GALNTL5: variants seen among roughly 807,000 people sequenced by gnomAD.
The protein encoded by GALNTL5 is polypeptide N-acetylgalactosaminyltransferase like 5.
Under a neutral mutation model 51.0 loss-of-function variants are expected in GALNTL5, and 44 were observed. That is an observed-to-expected ratio of 0.86 (90% confidence interval 0.68 to 1.11). GALNTL5 has a LOEUF of 1.11. Ranked by LOEUF, GALNTL5 falls within the 50% of genes least tolerant of loss-of-function variation. The pLI, the probability that GALNTL5 is intolerant of heterozygous loss-of-function variation, is 0.00. For missense variants in GALNTL5, 528 were observed against 531.8 expected, an observed-to-expected ratio of 0.99 and a Z score of 0.07; for synonymous variants, 192 against 182.8, an observed-to-expected ratio of 1.05 and a Z score of -0.41.
intron 3 of GALNTL5, among the ~76,000 whole-genome samples, chr7:151,981,599 TTCCTTCCC>T (rs1563010146): frequency 1.8e-4 from 18 of 99,774 alleles, no homozygotes; most frequent in African/African-American, 7.0e-4. Context: ...CCCTCCTTCC[TTCCTTCCC>T]TCCTTCCTTC....
In GALNTL5 at chr7:151,967,276, C is replaced by T. The variant is rs753388229; in HGVS notation, c.30C>T (p.Phe10=). The change falls in exon 2 of 9, where the codon TTC becomes TTT. Residue 10 remains phenylalanine (F), a synonymous_variant. Coordinates refer to ENST00000392800, the MANE Select transcript of GALNTL5 (RefSeq NM_145292.4). Reference sequence around the variant, plus strand: ...GAAATGCCATAATTCAAGGTTTATTCTATGGGTCCTTGACATTTGGGATCT... The same window carrying T: ...GAAATGCCATAATTCAAGGTTTATTTTATGGGTCCTTGACATTTGGGATCT... MRNAIIQGL[F]YGSLTFGIWT... is the part of the protein sequence containing the mutation. 6.2e-7 allele frequency: 1 copy of T among 1,613,450 alleles called. No homozygotes were observed. The highest frequency in any genetic ancestry group is 8.5e-7 in the Non-Finnish European group (1 of 1,179,476).
chr7:152,005,450 G>A (rs993555250), intron 6 of GALNTL5, among the ~76,000 whole-genome samples: 1 of 152,154 alleles, frequency 6.6e-6, no homozygotes, highest in Non-Finnish European at 1.5e-5. Context: ...CCAAATGGAC[G>A]GAACTGCAGT....
intron 3 of GALNTL5, among the ~76,000 whole-genome samples, chr7:151,979,057 A>G (rs1471605107): frequency 6.6e-6 from 1 of 150,606 alleles, no homozygotes; most frequent in Admixed American, 6.6e-5. Flanking sequence ...GCAAATTTAT[A>G]TGATCAGCTA....
intron 2 of GALNTL5, chr7:151,970,476 C>A (rs1047459686): frequency 6.3e-6 from 1 of 158,074 alleles, no homozygotes; most frequent in African/African-American, 2.4e-5. Context: ...GTTTGGGTTA[C>A]GTGGCCAGAT....
chr7:151,980,206 C>A (rs2081261705), intron 3 of GALNTL5, among the ~76,000 whole-genome samples: 1 of 152,116 alleles, frequency 6.6e-6, no homozygotes. Context: ...GCCTCAGCCT[C>A]CTGAGAAGCT....
chr7:151,999,110 A>G (rs2081538603), intron 5 of GALNTL5, among the ~76,000 whole-genome samples: 3 of 152,206 alleles, frequency 2.0e-5, no homozygotes, highest in South Asian at 2.1e-4. Context: ...GATATTTCAT[A>G]TCAACGGAAT....
chr7:152,017,992 A>G (rs1563029439), intron 8 of GALNTL5, among the ~76,000 whole-genome samples: 1 of 152,060 alleles, frequency 6.6e-6, no homozygotes, highest in Non-Finnish European at 1.5e-5. Context: ...CTACAGGTGC[A>G]TGCCACCACA....
At chr7:151,989,871 A>C (rs2081405741) in intron 5 of GALNTL5, among the ~76,000 whole-genome samples, 1 of 152,092 alleles carries the variant, frequency 6.6e-6, no homozygotes, top group Non-Finnish European at 1.5e-5. Context: ...CTGTCGATTT[A>C]TCTGTTCATA....
intron 7 of GALNTL5, among the ~76,000 whole-genome samples, chr7:152,010,475 T>A (rs1228238986): frequency 6.6e-6 from 1 of 150,420 alleles, no homozygotes; most frequent in African/African-American, 2.5e-5. Flanking sequence ...AGATATTTAA[T>A]TTTATTTTTG....
At chr7:152,002,665 T>C (rs1388624775) in intron 5 of GALNTL5, 49 bp from the exon 6 acceptor site, 1 of 1,591,210 alleles carries the variant, frequency 6.3e-7, no homozygotes, top group Admixed American at 1.7e-5. Context: ...TGGATTGCCG[T>C]ATTTTTTCAG....
At chr7:151,967,556 A>G in intron 2 of GALNTL5, 63 bp downstream of exon 2, 1 of 1,452,010 alleles carries the variant, frequency 6.9e-7, no homozygotes, top group Admixed American at 1.8e-5. Flanking sequence ...AATATTTAAT[A>G]TTTGGAAGAG....
chr7:152,000,056 A>C (rs1284730048), intron 5 of GALNTL5, among the ~76,000 whole-genome samples: 1 of 152,240 alleles, frequency 6.6e-6, no homozygotes, highest in African/African-American at 2.4e-5. Context: ...ACATCAATAC[A>C]ATAAAATTGG....
intron 1 of GALNTL5, among the ~76,000 whole-genome samples, chr7:151,960,013 G>C (rs1053550919): frequency 6.6e-6 from 1 of 152,050 alleles, no homozygotes; most frequent in African/African-American, 2.4e-5. Context: ...AACCTTCCCT[G>C]GAGTTCTGCT....
At chr7:152,014,536 G>C in intron 7 of GALNTL5, 108 bp from the exon 8 acceptor site, 2 of 1,092,858 alleles carry the variant, frequency 1.8e-6, no homozygotes, top group South Asian at 1.7e-5. Context: ...CCAAAATGCT[G>C]GGATTACAGG....
At position 151,994,372 on chromosome 7, in the gene GALNTL5, C is replaced by T. The variant is rs553423388; in HGVS notation, c.658+7091C>T. Among the ~76,000 whole-genome samples, 17 of 152,244 alleles carry T rather than the reference C, an allele frequency of 1.1e-4. No individual in the cohort carries two copies. In the East Asian group the frequency reaches 2.7e-3, roughly 24 times the overall value. ...TACTGAGCCTGGAGACGGGTTTTCA[C>T]GTGATGTTCATGTGCGCACACTCCT... is the stretch of plus-strand genomic sequence containing the variant. On this transcript the variant is annotated intron_variant, in intron 5 of 8. Transcript: ENST00000392800.
rs2081484337 is a variant in GALNTL5, at chr7:151,995,347, AATTTTTTT to A, written c.659-7366_659-7359del. ...AAGAAATCTACGATCAGTTGGTATG[AATTTTTTT>A]TTTTTTTTTTTTTTTTTTTTTTTTT... On this transcript the variant is annotated intron_variant, in intron 5 of 8. Transcript: ENST00000392800. The A allele has an allele frequency of 1.2e-4, 11 of 91,054 alleles. 1 individual carries two copies. The highest frequency in any genetic ancestry group is 3.3e-4 in the East Asian group (1 of 3,030). The allele number at this position is 91,054 out of a possible 1,614,324, so 5.6% of individuals were successfully genotyped here. A position where few individuals can be genotyped will look rare whatever the true frequency, so the allele number is the denominator to read the frequency against.
chr7:151,972,112 C>T (rs1208909117), intron 3 of GALNTL5, among the ~76,000 whole-genome samples: 1 of 152,102 alleles, frequency 6.6e-6, no homozygotes, highest in African/African-American at 2.4e-5. Context: ...TTGGAGGTCT[C>T]AGAAGAAAAG....
At chr7:151,998,845 C>A (rs2081534762) in intron 5 of GALNTL5, among the ~76,000 whole-genome samples, 1 of 150,286 alleles carries the variant, frequency 6.7e-6, no homozygotes, top group East Asian at 2.0e-4. Context: ...AATGGCTAAT[C>A]ATGTGGAAAA....
At chr7:152,010,235 C>A (rs934057300) in intron 7 of GALNTL5, among the ~76,000 whole-genome samples, 1 of 152,014 alleles carries the variant, frequency 6.6e-6, no homozygotes, top group African/African-American at 2.4e-5. Flanking sequence ...GCCTCAGCCT[C>A]CCGAGTAGTT....
Sources: gnomAD v4.1 joint callset for allele counts (sites outside exome capture counted in the v4.1 genomes callset) on GRCh38, gnomAD v4.1.1 for gene constraint, MANE v1.5 for transcripts, NCBI Gene and HGNC (gene_info 2026-07-23, HGNC 2026-07-21) for gene names.